BLNK: variants seen among roughly 807,000 people sequenced by gnomAD.
The protein encoded by BLNK is B-cell linker protein.
Under a neutral mutation model 73.5 loss-of-function variants are expected in BLNK, and 29 were observed. The ratio of observed to expected loss-of-function variants is 0.39; its 90% CI spans 0.29 to 0.54. The LOEUF (loss-of-function observed/expected upper bound fraction) is 0.54. Ranked by LOEUF, BLNK falls within the 20% of genes least tolerant of loss-of-function variation. BLNK has a pLI of 0.61. For synonymous variants in BLNK, 176 were observed against 200.8 expected, an observed-to-expected ratio of 0.88 and a Z score of 1.04; for missense variants, 460 against 562.8, an observed-to-expected ratio of 0.82 and a Z score of 1.85.
chr10:96,195,549 A>G (rs1477757855), intron 16 of BLNK, among the ~76,000 whole-genome samples: 1 of 152,242 alleles, frequency 6.6e-6, no homozygotes, highest in African/African-American at 2.4e-5. Context: ...TAAGTTAAAT[A>G]AGCTGGTCCT....
chr10:96,211,251 T>C (rs17111442), intron 8 of BLNK, among the ~76,000 whole-genome samples: 84 of 152,264 alleles, frequency 5.5e-4, no homozygotes, highest in African/African-American at 2.0e-3. Flanking sequence ...GTTTATGAGA[T>C]AGAGCACAGA....
chr10:96,196,735 T>C (rs1200681732), intron 16 of BLNK, among the ~76,000 whole-genome samples, 173 bp downstream of exon 16: 1 of 152,244 alleles, frequency 6.6e-6, no homozygotes, highest in Admixed American at 6.5e-5. Flanking sequence ...TGTGTTCTTA[T>C]AGGATATACT....
At chr10:96,253,159 T>C (rs1271272759) in intron 1 of BLNK, among the ~76,000 whole-genome samples, 7 of 152,226 alleles carry the variant, frequency 4.6e-5, no homozygotes, top group African/African-American at 1.7e-4. Flanking sequence ...AAGATCACTC[T>C]TGACATTTTG....
intron 11 of BLNK, 50 bp downstream of exon 11, chr10:96,206,961 T>C: frequency 6.4e-7 from 1 of 1,556,810 alleles, no homozygotes; most frequent in South Asian, 1.1e-5. Flanking sequence ...AAATCCTTAA[T>C]AAAATAACTT....
intron 1 of BLNK, among the ~76,000 whole-genome samples, chr10:96,265,576 A>G (rs1328534947): frequency 6.6e-6 from 1 of 152,216 alleles, no homozygotes; most frequent in African/African-American, 2.4e-5. Context: ...ATTGAAATGC[A>G]GGCCTAAGGA....
At chr10:96,206,947 A>G in intron 11 of BLNK, 64 bp downstream of exon 11, 3 of 1,498,444 alleles carry the variant, frequency 2.0e-6, no homozygotes, top group African/African-American at 2.8e-5. Flanking sequence ...AAATGTGTAC[A>G]TACAAATCCT....
Position 96,200,696 on chromosome 10 carries a change from T to C in BLNK, c.1011+286A>G, listed in dbSNP as rs1325115203. On this transcript the variant is annotated intron_variant, in intron 14 of 16. Transcript: ENST00000224337. This position sits in a 1 kb window ranked among gnomAD's most constrained non-coding sequence, Gnocchi z 4.3. The stretch of plus-strand genomic sequence containing the variant: ...ATATCATCAGCCTCTACAGATCTAT[T>C]TGGAGGAAATTACAAAGTTTAAATA... Among the ~76,000 whole-genome samples, 1 of 152,222 alleles carries C rather than the reference T, an allele frequency of 6.6e-6. No homozygotes were observed. Among genetic ancestry groups the C allele is most frequent in the Non-Finnish European group, 1.5e-5 (1 of 68,032 alleles).
chr10:96,241,026 C>G (rs587599836), intron 3 of BLNK, among the ~76,000 whole-genome samples: 1 of 152,344 alleles, frequency 6.6e-6, no homozygotes, highest in African/African-American at 2.4e-5. Flanking sequence ...CCCTGACCAA[C>G]TGTCTAAACT....
intron 1 of BLNK, among the ~76,000 whole-genome samples, chr10:96,256,839 C>G (rs543092298): frequency 1.4e-5 from 2 of 147,446 alleles, no homozygotes; most frequent in East Asian, 4.0e-4. Flanking sequence ...CAAGATTGCA[C>G]CACTGCACTC....
At chr10:96,237,367 A>G (rs1308181364) in intron 3 of BLNK, among the ~76,000 whole-genome samples, 1 of 152,110 alleles carries the variant, frequency 6.6e-6, no homozygotes, top group Non-Finnish European at 1.5e-5. Flanking sequence ...TTTTCCATGT[A>G]AGTGAGTTTG....
intron 15 of BLNK, among the ~76,000 whole-genome samples, chr10:96,198,989 G>A (rs2083553119): frequency 1.3e-5 from 2 of 152,200 alleles, no homozygotes; most frequent in East Asian, 3.8e-4. Context: ...ATAAGCCACT[G>A]CGCCTGGCTG....
At chr10:96,234,924 G>A (rs1427587761) in intron 3 of BLNK, among the ~76,000 whole-genome samples, 2 of 152,210 alleles carry the variant, frequency 1.3e-5, no homozygotes, top group Non-Finnish European at 2.9e-5. Context: ...GATCCTGGGC[G>A]GGCCCTCTTG....
chr10:96,253,746 T>C (rs1334622086), intron 1 of BLNK, among the ~76,000 whole-genome samples: 2 of 152,104 alleles, frequency 1.3e-5, no homozygotes, highest in Non-Finnish European at 2.9e-5. Context: ...CTGGGTGCGA[T>C]GGCTCACGCC....
chr10:96,259,422 G>C (rs1843649085), intron 1 of BLNK, among the ~76,000 whole-genome samples: 1 of 152,174 alleles, frequency 6.6e-6, no homozygotes, highest in Non-Finnish European at 1.5e-5. Context: ...AGGGAATGCG[G>C]TAGCGGCCCT....
intron 3 of BLNK, among the ~76,000 whole-genome samples, chr10:96,240,128 C>A (rs587688828): frequency 1.3e-5 from 2 of 152,308 alleles, no homozygotes; most frequent in East Asian, 3.9e-4. Context: ...ACAGCAGGTA[C>A]CATGTTTGCT....
At chr10:96,216,371 C>A (rs1388460919) in intron 7 of BLNK, 1 of 453,666 alleles carries the variant, frequency 2.2e-6, no homozygotes, top group Admixed American at 3.5e-5. Context: ...CCATTTGAAG[C>A]GAGGGCAGCT....
chr10:96,236,647 C>T (rs1396928594), intron 3 of BLNK, among the ~76,000 whole-genome samples: 1 of 152,018 alleles, frequency 6.6e-6, no homozygotes, highest in African/African-American at 2.4e-5. Flanking sequence ...CATAGTGAGA[C>T]ATTGTCTCTA....
Position 96,207,892 on chromosome 10 carries a change from G to T in BLNK, c.754C>A (p.Pro252Thr), listed in dbSNP as rs781890039. 2 of 1,614,092 alleles carry T rather than the reference G, an allele frequency of 1.2e-6. No homozygotes were observed. Among genetic ancestry groups the T allele is most frequent in the African/African-American group, 1.3e-5 (1 of 75,036 alleles). ...CTTACTGTCTTCAGTGGTGTCGTTGGTTTTTTCCTGGGGAATAAAAAGAGA... is the reference window on the plus strand; with the variant it reads ...CTTACTGTCTTCAGTGGTGTCGTTGTTTTTTTCCTGGGGAATAAAAAGAGA... The part of the protein sequence containing the change: ...PSPLPRAGKK[P>T]TTPLKTTPVA... The change falls in exon 10 of 17, where the codon CCA becomes ACA. Residue 252 changes from proline to threonine, a missense_variant. Pro to Thr is a conservative substitution (Grantham distance 38). This residue lies in a region of BLNK where 233 missense variants were observed against 232.1 expected (regional missense o/e 1.00). Transcript: ENST00000224337.
intron 1 of BLNK, among the ~76,000 whole-genome samples, chr10:96,256,058 G>A (rs964492296): frequency 2.0e-5 from 3 of 152,160 alleles, no homozygotes; most frequent in African/African-American, 7.2e-5. Context: ...AGGGCCAGGC[G>A]TGGTGGTTCA....
Sources: gnomAD v4.1 joint callset for allele counts (sites outside exome capture counted in the v4.1 genomes callset) on GRCh38, gnomAD v4.1.1 for gene constraint, gnomAD v4.1.1 regional missense constraint, Gnocchi (gnomAD v3.1) non-coding constraint, MANE v1.5 for transcripts, NCBI Gene and HGNC (gene_info 2026-07-23, HGNC 2026-07-21) for gene names.